Variants in ASTN1 observed in about 807,000 individuals in gnomAD.
ASTN1 encodes the protein astrotactin-1.
ASTN1 carries 41 observed loss-of-function variants against 140.7 expected under a neutral mutation model. That is an observed-to-expected ratio of 0.29 (90% CI 0.23 to 0.38). ASTN1 has a LOEUF of 0.38. Ranked by LOEUF, ASTN1 falls within the 10% of genes least tolerant of loss-of-function variation. The probability of loss-of-function intolerance (pLI) is 1.00; values close to 1 mark genes in which losing one functional copy is unlikely to be tolerated. For synonymous variants in ASTN1, 640 were observed against 652.2 expected, an observed-to-expected ratio of 0.98 and a Z score of 0.29; for missense variants, 1,479 against 1,678.8, an observed-to-expected ratio of 0.88 and a Z score of 2.08.
chr1:177,131,715 G>A (rs1681949718), intron 1 of ASTN1, among the ~76,000 whole-genome samples: 1 of 152,196 alleles, frequency 6.6e-6, no homozygotes, highest in Non-Finnish European at 1.5e-5. Flanking sequence ...CTGAGAGCAG[G>A]TAGTTTATAA....
At chr1:177,066,219 C>T (rs1678344697) in intron 1 of ASTN1, among the ~76,000 whole-genome samples, 2 of 152,176 alleles carry the variant, frequency 1.3e-5, no homozygotes, top group African/African-American at 2.4e-5. Flanking sequence ...TGATCAGAGC[C>T]TTCCAGAGCC....
intron 2 of ASTN1, among the ~76,000 whole-genome samples, chr1:177,037,790 T>C (rs971637333): frequency 6.6e-6 from 1 of 152,210 alleles, no homozygotes; most frequent in African/African-American, 2.4e-5. Context: ...GTGTTTGGGG[T>C]ATATGAGAAA....
intron 3 of ASTN1, among the ~76,000 whole-genome samples, chr1:177,031,262 G>T (rs1257149713): frequency 6.6e-6 from 1 of 152,134 alleles, no homozygotes; most frequent in Non-Finnish European, 1.5e-5. Context: ...AATACAGACT[G>T]CAGATTTCTT....
At chr1:177,049,664 T>C (rs1418373011) in intron 2 of ASTN1, among the ~76,000 whole-genome samples, 1 of 152,222 alleles carries the variant, frequency 6.6e-6, no homozygotes, top group Non-Finnish European at 1.5e-5. Context: ...ATTAGGCTGC[T>C]TGCCTCATCA....
chr1:176,973,736 C>T (rs1673241679), intron 8 of ASTN1, among the ~76,000 whole-genome samples: 1 of 152,174 alleles, frequency 6.6e-6, no homozygotes, highest in Admixed American at 6.6e-5. Flanking sequence ...AAAGCTTTCA[C>T]CACCACATCC....
chr1:176,876,648 G>A lies in ASTN1; in HGVS notation c.3363-11C>T. ...CCCCACAGCGTGAACCTGGCAGGGA[G>A]TGGGAGGGCATGGTTAGCAGAAACA... On this transcript the variant is annotated splice_polypyrimidine_tract_variant and intron_variant, in intron 20 of 22. Transcript: ENST00000361833. The A allele has an allele frequency of 2.5e-6, 4 of 1,613,628 alleles. No individual in the cohort carries two copies. The highest frequency in any genetic ancestry group is 3.4e-6 in the Non-Finnish European group (4 of 1,179,668).
intron 1 of ASTN1, among the ~76,000 whole-genome samples, chr1:177,151,268 C>T (rs932884907): frequency 6.6e-6 from 1 of 152,004 alleles, no homozygotes; most frequent in Non-Finnish European, 1.5e-5. Flanking sequence ...AAAAAAAAAT[C>T]TATTCTCTCT....
At chr1:176,867,723 T>C (rs1668175520) in intron 22 of ASTN1, among the ~76,000 whole-genome samples, 3 of 152,210 alleles carry the variant, frequency 2.0e-5, no homozygotes, top group African/African-American at 4.8e-5. Context: ...GAAAATAGAA[T>C]GTCCTCAATG....
At chr1:177,157,267 T>C (rs1683279149) in intron 1 of ASTN1, among the ~76,000 whole-genome samples, 1 of 152,192 alleles carries the variant, frequency 6.6e-6, no homozygotes, top group South Asian at 2.1e-4. Flanking sequence ...ATCTTCCCAA[T>C]TTTTCCATAA....
At chr1:176,978,976 C>T (rs1673485510) in intron 8 of ASTN1, among the ~76,000 whole-genome samples, 1 of 152,146 alleles carries the variant, frequency 6.6e-6, no homozygotes, top group South Asian at 2.1e-4. Flanking sequence ...CATGGCCAAG[C>T]TCTGTACTCT....
chr1:176,890,362 T>G (rs1241030963), intron 17 of ASTN1, among the ~76,000 whole-genome samples: 1 of 152,196 alleles, frequency 6.6e-6, no homozygotes, highest in Admixed American at 6.5e-5. Context: ...TATTTACTCA[T>G]GAAAGTTGAA....
intron 1 of ASTN1, among the ~76,000 whole-genome samples, chr1:177,111,169 C>T (rs1680807892): frequency 6.6e-6 from 1 of 152,190 alleles, no homozygotes; most frequent in African/African-American, 2.4e-5. Context: ...GATATCTGAG[C>T]TCACTGAATT....
intron 8 of ASTN1, among the ~76,000 whole-genome samples, chr1:176,984,899 A>G (rs1310476431): frequency 1.3e-5 from 2 of 152,124 alleles, no homozygotes; most frequent in Non-Finnish European, 2.9e-5. Flanking sequence ...TCCAGTTGTC[A>G]CTGAACTGCC....
intron 8 of ASTN1, among the ~76,000 whole-genome samples, chr1:176,998,702 T>C (rs1674575409): frequency 6.6e-6 from 1 of 152,166 alleles, no homozygotes; most frequent in Non-Finnish European, 1.5e-5. Flanking sequence ...CTGACTCACA[T>C]TACCCCGCAT....
At chr1:176,991,837 C>T (rs1026524328) in intron 8 of ASTN1, among the ~76,000 whole-genome samples, 4 of 152,192 alleles carry the variant, frequency 2.6e-5, no homozygotes, top group Admixed American at 6.5e-5. Flanking sequence ...AGGTAAACTT[C>T]AGAAAATGAT....
At chr1:177,077,595 C>T (rs1338949664) in intron 1 of ASTN1, among the ~76,000 whole-genome samples, 1 of 152,202 alleles carries the variant, frequency 6.6e-6, no homozygotes, top group Non-Finnish European at 1.5e-5. Flanking sequence ...CCTTTTCTGA[C>T]CTTGAAAACA....
chr1:177,085,451 G>GT (rs1679418078), intron 1 of ASTN1, among the ~76,000 whole-genome samples: 1 of 152,266 alleles, frequency 6.6e-6, no homozygotes. Flanking sequence ...AAGGATTCAT[G>GT]TTTTTATCTC....
chr1:176,932,018 T>C (rs1015587118), intron 16 of ASTN1, among the ~76,000 whole-genome samples: 1 of 152,210 alleles, frequency 6.6e-6, no homozygotes, highest in African/African-American at 2.4e-5. Context: ...AGATAAGTGA[T>C]TGACTAAAGC....
chr1:176,945,805 A>G, intron 13 of ASTN1, 121 bp downstream of exon 13: 2 of 919,420 alleles, frequency 2.2e-6, no homozygotes, highest in East Asian at 2.5e-5. Context: ...AATGTAGTCT[A>G]TCCCTTTAGA....
Sources: gnomAD v4.1 joint callset for allele counts (sites outside exome capture counted in the v4.1 genomes callset) on GRCh38, gnomAD v4.1.1 for gene constraint, MANE v1.5 for transcripts, NCBI Gene and HGNC (gene_info 2026-07-23, HGNC 2026-07-21) for gene names.